The following GRID1 variants were observed in gnomAD, a reference collection of about 807,000 sequenced individuals.
GRID1 encodes glutamate receptor ionotropic, delta-1.
A neutral mutation model predicts 98.0 loss-of-function variants in GRID1; 28 were observed. That is an observed-to-expected ratio of 0.29 (90% CI 0.21 to 0.39). GRID1 has a LOEUF of 0.39. GRID1 is among the 10% of genes least tolerant of loss of function. The probability of loss-of-function intolerance (pLI) is 1.00; values close to 1 mark genes in which losing one functional copy is unlikely to be tolerated. For missense variants in GRID1, 1,111 were observed against 1,340.5 expected, an observed-to-expected ratio of 0.83 and a Z score of 2.67; for synonymous variants, 553 against 538.5, an observed-to-expected ratio of 1.03 and a Z score of -0.37.
At chr10:85,625,703 G>A (rs967488688) in intron 13 of GRID1, among the ~76,000 whole-genome samples, 16 of 152,150 alleles carry the variant, frequency 1.1e-4, no homozygotes, top group African/African-American at 3.9e-4. Flanking sequence ...CATGGTGAGG[G>A]AGTCTGGCTC....
At chr10:85,854,459 A>T in intron 8 of GRID1, 37 bp downstream of exon 8, 1 of 1,608,450 alleles carries the variant, frequency 6.2e-7, no homozygotes, top group South Asian at 1.1e-5. Context: ...GTGGCACCAT[A>T]GCAGGAAGAT....
At chr10:85,949,985 T>A (rs1842099391) in intron 4 of GRID1, among the ~76,000 whole-genome samples, 1 of 151,862 alleles carries the variant, frequency 6.6e-6, no homozygotes, top group Non-Finnish European at 1.5e-5. Flanking sequence ...GATGGATGGA[T>A]AGATGGGTGA....
chr10:85,635,009 A>G, intron 13 of GRID1, among the ~76,000 whole-genome samples: 1 of 99,178 alleles, frequency 1.0e-5, no homozygotes, highest in African/African-American at 4.1e-5. Context: ...AAAAAAAAAA[A>G]AAAAAAAAAA....
chr10:86,360,673 C>T (rs1203376368), intron 2 of GRID1, among the ~76,000 whole-genome samples: 5 of 152,194 alleles, frequency 3.3e-5, no homozygotes, highest in Non-Finnish European at 7.3e-5. Context: ...TTACTGTTTA[C>T]AGAACACCCA....
chr10:86,336,209 T>C (rs571599485), intron 2 of GRID1, among the ~76,000 whole-genome samples: 1 of 152,320 alleles, frequency 6.6e-6, no homozygotes, highest in Non-Finnish European at 1.5e-5. Flanking sequence ...AGGAGATTGT[T>C]TCACAGTGTT....
chr10:85,821,461 G>GCAGTA (rs1286411414), intron 8 of GRID1, among the ~76,000 whole-genome samples: 7 of 116,418 alleles, frequency 6.0e-5, no homozygotes, highest in Non-Finnish European at 1.2e-4. Context: ...AGGTTGCAGT[G>GCAGTA]AGCTGAGATT....
At chr10:86,067,926 A>G (rs1843743280) in intron 4 of GRID1, among the ~76,000 whole-genome samples, 1 of 152,180 alleles carries the variant, frequency 6.6e-6, no homozygotes. Flanking sequence ...TAAGGATTTT[A>G]CCAGAGAGCT....
chr10:85,770,341 A>T (rs574379085), intron 8 of GRID1, among the ~76,000 whole-genome samples: 2 of 152,282 alleles, frequency 1.3e-5, no homozygotes, highest in East Asian at 3.9e-4. Context: ...CACCATCATC[A>T]AAGACGAAAA....
At chr10:85,892,316 G>A (rs180883424) in intron 5 of GRID1, among the ~76,000 whole-genome samples, 6 of 151,234 alleles carry the variant, frequency 4.0e-5, no homozygotes, top group Non-Finnish European at 7.4e-5. Flanking sequence ...AGGGAGAAGA[G>A]AGAGAAGGGG....
intron 4 of GRID1, among the ~76,000 whole-genome samples, chr10:86,026,497 G>A (rs2131890118): frequency 6.6e-6 from 1 of 152,348 alleles, no homozygotes; most frequent in East Asian, 1.9e-4. Context: ...GAGAAGCTAG[G>A]ACTCAGGCTC....
At chr10:86,256,862 A>G (rs1846927801) in intron 2 of GRID1, among the ~76,000 whole-genome samples, 1 of 152,136 alleles carries the variant, frequency 6.6e-6, no homozygotes, top group Admixed American at 6.5e-5. Context: ...TCAGCAGATC[A>G]GAGGGCTGAG....
chr10:85,920,137 G>A (rs1444941066), intron 4 of GRID1, among the ~76,000 whole-genome samples: 1 of 152,144 alleles, frequency 6.6e-6, no homozygotes, highest in African/African-American at 2.4e-5. Context: ...CTTCCTTTAT[G>A]TTCCTGTTCC....
intron 2 of GRID1, among the ~76,000 whole-genome samples, chr10:86,225,097 G>A (rs919979291): frequency 3.3e-5 from 5 of 152,212 alleles, no homozygotes; most frequent in African/African-American, 1.2e-4. Context: ...TTGCCCTACA[G>A]AACCCTGACT....
Position 86,366,003 on chromosome 10 carries a change from C to G in GRID1, c.79+311G>C, listed in dbSNP as rs955225046. Among the ~76,000 whole-genome samples the G allele has an allele frequency of 2.0e-5, 3 of 152,146 alleles. No homozygotes were observed. Among genetic ancestry groups the G allele is most frequent in the Non-Finnish European group, 4.4e-5 (3 of 68,010 alleles). ...GCGCAGAAGGGCCCTCCCGACCCGC[C>G]GACGGCCCCGCTAAGGGCGCGGGTC... On this transcript the variant is annotated intron_variant, in intron 1 of 15. Transcript: ENST00000327946. This position sits in a 1 kb window ranked among gnomAD's most constrained non-coding sequence, Gnocchi z 4.1.
chr10:86,329,964 C>A (rs1288599580), intron 2 of GRID1, among the ~76,000 whole-genome samples: 4 of 152,168 alleles, frequency 2.6e-5, no homozygotes, highest in African/African-American at 9.7e-5. Flanking sequence ...GTGCCACTTC[C>A]CACACTCTGA....
chr10:86,086,949 C>G (rs200651432), intron 4 of GRID1, among the ~76,000 whole-genome samples: 1 of 152,196 alleles, frequency 6.6e-6, no homozygotes, highest in Non-Finnish European at 1.5e-5. Flanking sequence ...ATTGCAAACT[C>G]AAGAGCTGTA....
intron 3 of GRID1, among the ~76,000 whole-genome samples, chr10:86,193,030 G>A (rs1845827346): frequency 6.6e-6 from 1 of 152,028 alleles, no homozygotes; most frequent in Non-Finnish European, 1.5e-5. Flanking sequence ...ATGAAAAAAT[G>A]CCTCCCAGTT....
chr10:85,608,436 CA>C (rs1170212791), intron 15 of GRID1, among the ~76,000 whole-genome samples: 1 of 152,210 alleles, frequency 6.6e-6, no homozygotes, highest in Non-Finnish European at 1.5e-5. Flanking sequence ...AATGATTACA[CA>C]ACAATTTAAC....
At chr10:86,145,383 C>T (rs539872185) in intron 3 of GRID1, among the ~76,000 whole-genome samples, 2 of 152,110 alleles carry the variant, frequency 1.3e-5, no homozygotes, top group South Asian at 2.1e-4. Flanking sequence ...CCACCACGCC[C>T]GGCTCATTTT....
Sources: allele counts gnomAD v4.1 joint callset (sites outside exome capture counted in the v4.1 genomes callset), GRCh38; gene constraint gnomAD v4.1.1; non-coding constraint Gnocchi (gnomAD v3.1); transcripts MANE v1.5; gene names NCBI Gene and HGNC (gene_info 2026-07-23, HGNC 2026-07-21).